PALS2: variants seen among roughly 807,000 people sequenced by gnomAD.
PALS2 encodes the protein protein PALS2.
PALS2 carries 27 observed loss-of-function variants against 61.6 expected under a neutral mutation model. The observed-to-expected ratio is 0.44, with a 90% confidence interval of 0.32 to 0.60. The LOEUF is 0.60. Among genes scored for constraint, PALS2 ranks in the 20% least tolerant of loss-of-function variants. The pLI, the probability that PALS2 is intolerant of heterozygous loss-of-function variation, is 0.05. For synonymous variants in PALS2, 236 were observed against 218.6 expected (o/e 1.08, Z -0.70); for missense variants, 554 against 639.4 (o/e 0.87, Z 1.44).
Position 24,622,636 on chromosome 7 carries a change from T to C in PALS2, c.-2-1030T>C, listed in dbSNP as rs114672083. The stretch of plus-strand genomic sequence containing the variant: ...TATGATCTGCAAATATAAATTGTTT[T>C]ACTTATTGCTTTCTAGTCTGGATGC... On this transcript the variant is annotated intron_variant, in intron 1 of 11. Coordinates refer to ENST00000222644, the MANE Select transcript of PALS2 (RefSeq NM_001303037.2). Among the ~76,000 whole-genome samples, 785 of 151,770 alleles carry C rather than the reference T, an allele frequency of 5.2e-3. 7 individuals carry two copies. Among genetic ancestry groups the C allele is most frequent in the African/African-American group, 0.017 (715 of 41,522 alleles).
chr7:24,660,169 T>C (rs1786642621), intron 5 of PALS2, among the ~76,000 whole-genome samples: 1 of 152,162 alleles, frequency 6.6e-6, no homozygotes, highest in African/African-American at 2.4e-5. Flanking sequence ...TCCTTGTTAC[T>C]TCATCTGAAT....
intron 1 of PALS2, among the ~76,000 whole-genome samples, chr7:24,615,750 A>C (rs1011202539): frequency 1.3e-5 from 2 of 152,136 alleles, no homozygotes; most frequent in Admixed American, 1.3e-4. Context: ...AGACAAGGAC[A>C]TCACACAAAA....
At chr7:24,585,046 T>A (rs1449232800) in intron 1 of PALS2, among the ~76,000 whole-genome samples, 1 of 152,154 alleles carries the variant, frequency 6.6e-6, no homozygotes, top group Non-Finnish European at 1.5e-5. Context: ...ACCAGTCCCA[T>A]GCTGTTTTGG....
chr7:24,603,668 C>T (rs1783794760), intron 1 of PALS2, among the ~76,000 whole-genome samples: 1 of 152,160 alleles, frequency 6.6e-6, no homozygotes, highest in Non-Finnish European at 1.5e-5. Flanking sequence ...GCTCAAATGG[C>T]TGTTGGAGCA....
chr7:24,615,036 C>T (rs1784244075), intron 1 of PALS2, among the ~76,000 whole-genome samples: 1 of 151,822 alleles, frequency 6.6e-6, no homozygotes, highest in Non-Finnish European at 1.5e-5. Context: ...CCACATGATC[C>T]TGAATGACCA....
intron 5 of PALS2, among the ~76,000 whole-genome samples, chr7:24,651,646 A>G (rs1562642696): frequency 6.6e-6 from 1 of 152,176 alleles, no homozygotes; most frequent in African/African-American, 2.4e-5. Context: ...AAATTATGAT[A>G]GGAGTGTTGG....
intron 1 of PALS2, among the ~76,000 whole-genome samples, chr7:24,606,682 A>G (rs1030515681): frequency 4.6e-5 from 7 of 151,924 alleles, no homozygotes; most frequent in African/African-American, 7.3e-5. Flanking sequence ...GGCTTAAGCA[A>G]TCCTCCTGCC....
intron 1 of PALS2, among the ~76,000 whole-genome samples, chr7:24,591,626 T>C (rs4722378): frequency 0.14 from 21,805 of 152,126 alleles, 2,049 homozygotes; most frequent in East Asian, 0.47. Context: ...AAGATAGTTA[T>C]GGTGTATAAA....
chr7:24,686,731 C>T (rs1010505894), intron 11 of PALS2, among the ~76,000 whole-genome samples: 2 of 152,080 alleles, frequency 1.3e-5, no homozygotes, highest in Non-Finnish European at 2.9e-5. Flanking sequence ...ATAGTAGACA[C>T]CTTAATAGGA....
At chr7:24,661,970 T>G (rs543085923) in intron 5 of PALS2, among the ~76,000 whole-genome samples, 7 of 152,322 alleles carry the variant, frequency 4.6e-5, no homozygotes, top group African/African-American at 1.4e-4. Context: ...ATTTAATTAT[T>G]TTGGTTTTTT....
intron 3 of PALS2, among the ~76,000 whole-genome samples, chr7:24,647,873 G>A (rs1785923471): frequency 6.6e-6 from 1 of 152,012 alleles, no homozygotes; most frequent in Admixed American, 6.6e-5. Flanking sequence ...CGAGTTGTGG[G>A]CAAATTTTTA....
intron 5 of PALS2, among the ~76,000 whole-genome samples, 185 bp downstream of exon 5, chr7:24,650,897 G>A (rs1786112121): frequency 6.6e-6 from 1 of 152,104 alleles, no homozygotes; most frequent in Non-Finnish European, 1.5e-5. Context: ...TTTTACTATT[G>A]TAAAGGAAAT....
intron 8 of PALS2, 143 bp from the exon 9 acceptor site, chr7:24,668,356 T>TA (rs1787136157): frequency 1.4e-6 from 1 of 723,806 alleles, no homozygotes; most frequent in Non-Finnish European, 2.2e-6. Flanking sequence ...ACCAAATTTG[T>TA]AAAAACAAAT....
chr7:24,623,415 T>C (rs2128057527), intron 1 of PALS2, among the ~76,000 whole-genome samples: 1 of 152,216 alleles, frequency 6.6e-6, no homozygotes, highest in Non-Finnish European at 1.5e-5. Flanking sequence ...TGCAAGGTTG[T>C]AAGTATGTGT....
intron 8 of PALS2, chr7:24,667,070 G>A (rs1328346854): frequency 1.3e-5 from 2 of 152,152 alleles, no homozygotes; most frequent in East Asian, 1.9e-4. Flanking sequence ...TTAATCTACT[G>A]TGGGGAAATT....
chr7:24,666,135 T>C, intron 8 of PALS2, 46 bp downstream of exon 8: 1 of 1,492,956 alleles, frequency 6.7e-7, no homozygotes, highest in Non-Finnish European at 9.3e-7. Context: ...AGTAGCTATA[T>C]GTCATTTAGT....
At chr7:24,600,612 G>A (rs1039834922) in intron 1 of PALS2, among the ~76,000 whole-genome samples, 1 of 151,792 alleles carries the variant, frequency 6.6e-6, no homozygotes, top group Admixed American at 6.6e-5. Flanking sequence ...GTAAGTAGAA[G>A]CAGTTCATTT....
At chr7:24,595,525 A>G (rs968838321) in intron 1 of PALS2, among the ~76,000 whole-genome samples, 2 of 132,504 alleles carry the variant, frequency 1.5e-5, no homozygotes, top group African/African-American at 2.9e-5. Flanking sequence ...TAATATATAT[A>G]ATATATAATA....
At chr7:24,590,699 A>G (rs1016941099) in intron 1 of PALS2, among the ~76,000 whole-genome samples, 1 of 152,006 alleles carries the variant, frequency 6.6e-6, no homozygotes. Context: ...TGCATTTTTC[A>G]TCTTGAACAG....
Sources: gnomAD v4.1 joint callset for allele counts (sites outside exome capture counted in the v4.1 genomes callset) on GRCh38, gnomAD v4.1.1 for gene constraint, MANE v1.5 for transcripts, NCBI Gene and HGNC (gene_info 2026-07-23, HGNC 2026-07-21) for gene names.